RGS6: variants seen among roughly 807,000 people sequenced by gnomAD.
RGS6 encodes the protein regulator of G protein signaling 6.
A neutral mutation model predicts 78.5 loss-of-function variants in RGS6; 30 were observed. The ratio of observed to expected loss-of-function variants is 0.38; its 90% CI spans 0.29 to 0.52. RGS6 has a LOEUF of 0.52. RGS6 is among the 20% of genes least tolerant of loss of function. The pLI is 0.85. For missense variants in RGS6, 495 were observed against 609.7 expected (o/e 0.81, Z 1.98); for synonymous variants, 206 against 206.0 (o/e 1.00, Z 0.00).
intron 17 of RGS6, among the ~76,000 whole-genome samples, chr14:72,543,838 C>T (rs1237881787): frequency 2.6e-5 from 4 of 152,318 alleles, no homozygotes; most frequent in African/African-American, 4.8e-5. Flanking sequence ...TAGGTTCAAG[C>T]GATTCTCCTG....
chr14:72,268,997 A>G (rs1211104979), intron 2 of RGS6, among the ~76,000 whole-genome samples: 1 of 152,180 alleles, frequency 6.6e-6, no homozygotes, highest in Non-Finnish European at 1.5e-5. Flanking sequence ...AGTCAGTGGC[A>G]GTGCCATCTT....
chr14:72,607,611 ATGTGCACAGCTCTC>A, the RGS6 span, among the ~76,000 whole-genome samples: 2 of 152,330 alleles, frequency 1.3e-5, no homozygotes, highest in East Asian at 3.9e-4. Context: ...TAAAGCAGAA[ATGTGCACAGCTCTC>A]TGTGCAGATG....
intron 10 of RGS6, 107 bp downstream of exon 10, chr14:72,474,806 T>C: frequency 1.1e-6 from 1 of 894,544 alleles, no homozygotes. Flanking sequence ...CCTTTTGTCA[T>C]TTGAAACCAT....
At chr14:71,968,783 G>A (rs994359693) in intron 2 of RGS6, among the ~76,000 whole-genome samples, 2 of 152,164 alleles carry the variant, frequency 1.3e-5, no homozygotes, top group Non-Finnish European at 2.9e-5. Context: ...TGACTTTCAT[G>A]TTTCTTCTGG....
intron 2 of RGS6, among the ~76,000 whole-genome samples, chr14:72,228,688 G>C (rs747360119): frequency 4.7e-4 from 72 of 152,144 alleles, no homozygotes; most frequent in Non-Finnish European, 1.0e-3. Flanking sequence ...AGTGGAGCAG[G>C]CAGGTTAGGG....
intron 2 of RGS6, among the ~76,000 whole-genome samples, chr14:72,157,240 T>C (rs1433800318): frequency 6.6e-6 from 1 of 152,180 alleles, no homozygotes; most frequent in Admixed American, 6.5e-5. Flanking sequence ...ACCAAGGCAT[T>C]CAGGGCTCAC....
At chr14:72,265,818 G>A (rs1320110005) in intron 2 of RGS6, among the ~76,000 whole-genome samples, 1 of 152,004 alleles carries the variant, frequency 6.6e-6, no homozygotes, top group Non-Finnish European at 1.5e-5. Flanking sequence ...AGCTGCCTGT[G>A]CAAAGCCTCC....
At chr14:72,128,999 T>C (rs2096260459) in intron 2 of RGS6, among the ~76,000 whole-genome samples, 1 of 152,168 alleles carries the variant, frequency 6.6e-6, no homozygotes, top group Non-Finnish European at 1.5e-5. Context: ...TCAGCAGTTT[T>C]CTTTTAAAAA....
At chr14:72,315,058 CTATT>C (rs1313625575) in intron 2 of RGS6, among the ~76,000 whole-genome samples, 2 of 152,192 alleles carry the variant, frequency 1.3e-5, no homozygotes, top group Non-Finnish European at 2.9e-5. Context: ...TTGGTAGAAA[CTATT>C]TACGTATGAA....
chr14:72,160,525 C>G (rs1310991554), intron 2 of RGS6, among the ~76,000 whole-genome samples: 2 of 152,172 alleles, frequency 1.3e-5, no homozygotes, highest in African/African-American at 4.8e-5. Flanking sequence ...CCTAAAATTC[C>G]TATGTTGAAG....
chr14:72,186,846 T>C (rs1046512825), intron 2 of RGS6, among the ~76,000 whole-genome samples: 7 of 152,090 alleles, frequency 4.6e-5, no homozygotes, highest in Non-Finnish European at 8.8e-5. Context: ...AGTTGTAGGA[T>C]CTGATTGCAT....
chr14:71,973,035 A>G (rs2093906872), intron 2 of RGS6, among the ~76,000 whole-genome samples: 1 of 152,168 alleles, frequency 6.6e-6, no homozygotes, highest in South Asian at 2.1e-4. Flanking sequence ...ATATCTGGGT[A>G]TTTGTTCTGG....
At chr14:72,371,861 T>C (rs2083585623) in intron 3 of RGS6, among the ~76,000 whole-genome samples, 1 of 152,362 alleles carries the variant, frequency 6.6e-6, no homozygotes, top group Non-Finnish European at 1.5e-5. Context: ...GATCACTGAC[T>C]CTTTTTTAGA....
rs1223619610 is a variant in RGS6, at chr14:72,037,817, C to A, written c.84+72942C>A. 2.0e-5 allele frequency among the ~76,000 whole-genome samples: 3 copies of A among 148,738 alleles called. 1 individual carries two copies. Among genetic ancestry groups the A allele is most frequent in the Admixed American group, 1.3e-4 (2 of 15,020 alleles). ...GCATTTGTCAAAACATCAATTTACA[C>A]ACTTTAAGTCAGTGAATTTTACTGT... On this transcript the variant is annotated intron_variant, in intron 2 of 17. Transcript: ENST00000553525.
chr14:72,591,434 A>G, the RGS6 span, among the ~76,000 whole-genome samples: 2 of 152,088 alleles, frequency 1.3e-5, no homozygotes, highest in Admixed American at 1.3e-4. Context: ...CATAATAACT[A>G]TGATTAAACC....
chr14:72,578,391 A>C, the RGS6 span, among the ~76,000 whole-genome samples: 1 of 152,078 alleles, frequency 6.6e-6, no homozygotes, highest in Non-Finnish European at 1.5e-5. Flanking sequence ...AATCCTGTGA[A>C]ATCTGTGTTC....
the RGS6 span, among the ~76,000 whole-genome samples, chr14:71,884,206 T>A: frequency 2.0e-5 from 3 of 152,154 alleles, no homozygotes; most frequent in Non-Finnish European, 4.4e-5. Flanking sequence ...CCAAAGAGCT[T>A]TAGATCTTGT....
intron 2 of RGS6, among the ~76,000 whole-genome samples, chr14:72,148,580 A>T (rs1281628176): frequency 1.3e-5 from 2 of 152,168 alleles, no homozygotes; most frequent in African/African-American, 4.8e-5. Flanking sequence ...ATTCAGGTGG[A>T]CCCCTTAAAG....
chr14:72,387,383 A>T (rs2088488769), intron 3 of RGS6, among the ~76,000 whole-genome samples: 1 of 152,142 alleles, frequency 6.6e-6, no homozygotes, highest in Non-Finnish European at 1.5e-5. Context: ...CCCCATCTCT[A>T]CTAAAAATAC....
Sources: allele counts gnomAD v4.1 joint callset (sites outside exome capture counted in the v4.1 genomes callset), GRCh38; gene constraint gnomAD v4.1.1; transcripts MANE v1.5; gene names NCBI Gene and HGNC (gene_info 2026-07-23, HGNC 2026-07-21).